The following RNF213 variants were observed in gnomAD, a reference collection of about 807,000 sequenced individuals.
The protein encoded by RNF213 is ring finger protein 213, also known as E3 ubiquitin-protein ligase RNF213.
In RNF213, 341 loss-of-function variants were observed where a neutral mutation model predicts 514.4. The ratio of observed to expected loss-of-function variants is 0.66; its 90% CI spans 0.61 to 0.73. The LOEUF (loss-of-function observed/expected upper bound fraction) is 0.73, where lower values mean the gene tolerates loss of function less well. Among genes scored for constraint, RNF213 ranks in the 30% least tolerant of loss-of-function variants. The probability of loss-of-function intolerance (pLI) is 0.00; values close to 1 mark genes in which losing one functional copy is unlikely to be tolerated. For synonymous variants in RNF213, 2,655 were observed against 2,658.2 expected, an observed-to-expected ratio of 1.00 and a Z score of 0.04; for missense variants, 5,767 against 6,615.6, an observed-to-expected ratio of 0.87 and a Z score of 4.45.
At chr17:80,359,195 G>C (rs1035478918) in intron 37 of RNF213, among the ~76,000 whole-genome samples, 2 of 151,986 alleles carry the variant, frequency 1.3e-5, no homozygotes, top group African/African-American at 4.8e-5. Context: ...TCAGCTTTCA[G>C]GGGCTTCAAT....
In RNF213 at chr17:80,364,443, A is replaced by C. The variant is rs2079178378; in HGVS notation, c.11761A>C (p.Ser3921Arg). ...GCCCTCTTTTGACAGAGCCCAGTGG[A>C]GTCGGATTTTCTCCACCGCACTCTT... ...AVIREVRAQW[S>R]RIFSTALFVE... Residue 3921 changes from serine (S) to arginine (R), a missense_variant, in exon 42 of 68, where the codon AGT (serine) becomes CGT (arginine). Transcript: ENST00000582970. The C allele has an allele frequency of 1.9e-6, 3 of 1,614,106 alleles. No homozygotes were observed. The highest frequency in any genetic ancestry group is 2.5e-6 in the Non-Finnish European group (3 of 1,180,006).
chr17:80,287,720 ATGT>A, intron 3 of RNF213, 92 bp from the exon 4 acceptor site: 1 of 1,245,822 alleles, frequency 8.0e-7, no homozygotes, highest in Non-Finnish European at 1.2e-6. Context: ...GCCAAGCTTG[ATGT>A]AGTTGAGGAA....
At position 80,328,060 on chromosome 17, in the gene RNF213, C is replaced by A; in HGVS notation, c.3367+71C>A. 3 of 1,499,562 alleles carry A rather than the reference C, an allele frequency of 2.0e-6. No homozygotes were observed. In the South Asian group the frequency reaches 3.6e-5, roughly 18 times the overall value. The allele number at this position is 1,499,562 out of a possible 1,614,324, so 92.9% of individuals were successfully genotyped here. A position where few individuals can be genotyped will look rare whatever the true frequency, so the allele number is the denominator to read the frequency against. ...TAGCTGGAAGACACGTTTGTGTTTG[C>A]GTGTGCATTTTTGTAAAGGAGATAA... On this transcript the variant is annotated intron_variant, in intron 19 of 67. Coordinates refer to ENST00000582970, the MANE Select transcript of RNF213 (RefSeq NM_001256071.3).
rs1598972084 is a variant in RNF213, at chr17:80,307,263, C to A, written c.2501+62C>A. ...GCGGCCCCCGGGGGCTTCCTCTGAC[C>A]CCTATAATTGGCCGTGACCCACATG... On this transcript the variant is annotated intron_variant, in intron 13 of 67. Transcript: ENST00000582970. The A allele has an allele frequency of 3.4e-6, 5 of 1,466,806 alleles. No homozygotes were observed. The Admixed American group carries it at 5.0e-5, about 15-fold the overall frequency. The allele number at this position is 1,466,806 out of a possible 1,614,324, so 90.9% of individuals were successfully genotyped here. A position where few individuals can be genotyped will look rare whatever the true frequency, so the allele number is the denominator to read the frequency against.
chr17:80,373,241 A>ACCCTCACACCCCCCTC, intron 49 of RNF213, 76 bp downstream of exon 49: 1 of 1,072,322 alleles, frequency 9.3e-7, no homozygotes, highest in Non-Finnish European at 1.2e-6. Flanking sequence ...ACACCCCCCT[A>ACCCTCACACCCCCCTC]CCCTCACACC....
intron 3 of RNF213, among the ~76,000 whole-genome samples, chr17:80,286,406 A>G (rs1421565184): frequency 6.6e-6 from 1 of 152,018 alleles, no homozygotes. Context: ...GCCATGTGTG[A>G]TAGAGAAGGG....
chr17:80,386,985 C>T, intron 63 of RNF213, 94 bp downstream of exon 63: 3 of 1,213,934 alleles, frequency 2.5e-6, no homozygotes, highest in South Asian at 1.3e-5. Flanking sequence ...AGCAGCACCT[C>T]ACCCTGCAGT....
At chr17:80,331,603 G>C (rs972312133) in intron 20 of RNF213, among the ~76,000 whole-genome samples, 3 of 152,092 alleles carry the variant, frequency 2.0e-5, no homozygotes, top group Non-Finnish European at 2.9e-5. Flanking sequence ...TGGCCAGGCT[G>C]CTCATGAACT....
In RNF213 at chr17:80,355,110, G is replaced by A. The variant is rs1408204963; in HGVS notation, c.10862+534G>A. 1.1e-5 allele frequency: 5 copies of A among 438,754 alleles called. No individual in the cohort carries two copies. The East Asian group carries it at 3.5e-4, about 31-fold the overall frequency. 27.2% of individuals were successfully genotyped at this position (438,754 alleles called of 1,614,324 possible). ...GGGGTGCTCTGGGCCCCAGACAGAG[G>A]GTCTCTTTAAGACAGACTCTCAGAC... On this transcript the variant is annotated intron_variant, in intron 36 of 67. Transcript: ENST00000582970.
rs35702111 is a variant in RNF213 at position 80,264,902 on chromosome 17, G to A, written c.97+1124G>A. Among the ~76,000 whole-genome samples the A allele has an allele frequency of 0.03, 4,488 of 152,072 alleles. 89 individuals carry two copies. Among genetic ancestry groups the A allele is most frequent in the Middle Eastern group, 0.051 (15 of 294 alleles). The stretch of plus-strand genomic sequence containing the variant: ...TGGATACACCAGGTGTGCTTCCACC[G>A]CAGGGCCTTTGCACCACCCTTCCCC... On this transcript the variant is annotated intron_variant, in intron 2 of 67. Transcript: ENST00000582970. This position sits in a 1 kb window ranked among gnomAD's most constrained non-coding sequence, Gnocchi z 5.0.
Position 80,343,054 on chromosome 17 carries a change from C to T in RNF213, c.5990-78C>T, listed in dbSNP as rs958688832. 7.9e-5 allele frequency: 94 copies of T among 1,192,378 alleles called. No homozygotes were observed. The highest frequency in any genetic ancestry group is 1.9e-4 in the Middle Eastern group (1 of 5,284). 73.9% of individuals were successfully genotyped at this position (1,192,378 alleles called of 1,614,324 possible). ...AACTCCTGACCTCAAGTGATCCCCC[C>T]GCCTCGGCCTCCCAAAGTGCTAGGA... On this transcript the variant is annotated intron_variant, in intron 26 of 67. Transcript: ENST00000582970. The surrounding 1 kb of genome is among the most constrained non-coding windows in gnomAD (Gnocchi z 4.3).
At chr17:80,313,328 C>T (rs2045634969) in intron 15 of RNF213, among the ~76,000 whole-genome samples, 161 bp downstream of exon 15, 2 of 152,244 alleles carry the variant, frequency 1.3e-5, no homozygotes, top group South Asian at 4.1e-4. Context: ...GTCTACCTGG[C>T]AGGGTGGCTC....
chr17:80,318,459 G>GGT (rs1375978000), intron 16 of RNF213, among the ~76,000 whole-genome samples: 1 of 152,166 alleles, frequency 6.6e-6, no homozygotes, highest in African/African-American at 2.4e-5. Flanking sequence ...GTGGCCTGTT[G>GGT]GTGACAGGAA....
chr17:80,294,548 TGGA>T (rs2143380624), intron 8 of RNF213, among the ~76,000 whole-genome samples, 169 bp from the exon 9 acceptor site: 1 of 152,284 alleles, frequency 6.6e-6, no homozygotes, highest in East Asian at 1.9e-4. Flanking sequence ...AGAAGTCAGT[TGGA>T]GGAGTCTGGC....
rs771183046 is a variant in RNF213, at chr17:80,389,206, A to C, written c.15034A>C (p.Ser5012Arg). 5 of 1,614,158 alleles carry C rather than the reference A, an allele frequency of 3.1e-6. No homozygotes were observed. In the East Asian group the frequency reaches 1.1e-4, roughly 36 times the overall value. ...CCCCAGCTCGGTCATTAGTGCCATC[A>C]GTGGACAGCTGCAGTCCTACAGCGA... ...SLPSSVISAI[S>R]GQLQSYSDAC... The change falls in exon 65 of 68, where the codon AGT becomes CGT. Residue 5012 changes from serine (S) to arginine (R), a missense_variant. By Grantham distance (110) the Ser-to-Arg change is moderately radical. Coordinates refer to ENST00000582970, the MANE Select transcript of RNF213 (RefSeq NM_001256071.3).
At chr17:80,352,505 C>A in intron 32 of RNF213, 1 of 518,738 alleles carries the variant, frequency 1.9e-6, no homozygotes, top group East Asian at 3.0e-5. Flanking sequence ...AAGGAATGGT[C>A]ACCAGCTATT....
Position 80,358,364 on chromosome 17 carries a change from G to A in RNF213, c.10939G>A (p.Gly3647Ser), listed in dbSNP as rs368415931. The A allele has an allele frequency of 2.0e-5, 33 of 1,614,134 alleles. No individual in the cohort carries two copies. The highest frequency in any genetic ancestry group is 6.7e-5 in the Admixed American group (4 of 60,022). The change falls in exon 37 of 68, where the codon GGC (glycine) becomes AGC (serine). Residue 3647 changes from glycine to serine, a missense_variant. Physicochemically the swap from Gly to Ser is moderately conservative, Grantham distance 56. This residue lies in a region of RNF213 where 919 missense variants were observed against 1,121.0 expected (regional missense o/e 0.82). Transcript: ENST00000582970. ...ASMISFIDRD[G>S]NLELLTRPDT... ...CATGATATCATTCATCGACAGAGAC[G>A]GCAACCTAGAGTTACTGACCAGGCC...
At position 80,390,109 on chromosome 17, in the gene RNF213, C is replaced by T. The variant is rs757114739; in HGVS notation, c.15383C>T (p.Ala5128Val). 1.9e-6 allele frequency: 3 copies of T among 1,614,098 alleles called. No homozygotes were observed. The highest frequency in any genetic ancestry group is 2.5e-6 in the Non-Finnish European group (3 of 1,180,048). The change falls in exon 67 of 68, where the codon GCC (alanine) becomes GTC (valine). Residue 5128 changes from alanine to valine, a missense_variant. Around this residue, in one of 13 missense-constraint regions of RNF213, gnomAD observed 1,245 missense variants for 1,339.0 expected, o/e 0.93. Transcript: ENST00000582970. ...STFLNQTGLD[A>V]FLLELHEMII... ...TTCCTAAATCAGACTGGCCTAGACG[C>T]CTTCCTGCTAGAGCTGCACGAAATG...
Position 80,377,798 on chromosome 17 carries a change from TGA to T in RNF213, c.13545+4_13545+5del. ...GGCCATCCTTGCTCCGTGGGAGAGGTGAGTCTTGGTATTTAAGATAGGGTTTG... is the reference window on the plus strand; with the variant it reads ...GGCCATCCTTGCTCCGTGGGAGAGGTGTCTTGGTATTTAAGATAGGGTTTG... On this transcript the variant is annotated splice_donor_region_variant and intron_variant, in intron 54 of 67. Transcript: ENST00000582970. The surrounding 1 kb of genome is among the most constrained non-coding windows in gnomAD (Gnocchi z 4.1). 6.2e-7 allele frequency: 1 copy of T among 1,613,730 alleles called. No homozygotes were observed. The highest frequency in any genetic ancestry group is 1.1e-5 in the South Asian group (1 of 91,064).
Sources: allele counts gnomAD v4.1 joint callset (sites outside exome capture counted in the v4.1 genomes callset), GRCh38; gene constraint gnomAD v4.1.1; regional missense constraint gnomAD v4.1.1; non-coding constraint Gnocchi (gnomAD v3.1); transcripts MANE v1.5; gene names NCBI Gene and HGNC (gene_info 2026-07-23, HGNC 2026-07-21).